Variants in LUC7L3 observed in about 807,000 individuals in gnomAD.
The protein encoded by LUC7L3 is LUC7 like 3 pre-mRNA splicing factor, also known as luc7-like protein 3.
In LUC7L3, 6 loss-of-function variants were observed where a neutral mutation model predicts 66.8. That is an observed-to-expected ratio of 0.09 (90% CI 0.05 to 0.18). The LOEUF (loss-of-function observed/expected upper bound fraction) is 0.18, where lower values mean the gene tolerates loss of function less well. Ranked by LOEUF, LUC7L3 falls within the 10% of genes least tolerant of loss-of-function variation. LUC7L3 has a pLI of 1.00. For missense variants in LUC7L3, 341 were observed against 531.1 expected (o/e 0.64, Z 3.52); for synonymous variants, 160 against 174.7 (o/e 0.92, Z 0.66).
chr17:50,751,891 C>T lies in LUC7L3; in HGVS notation c.*1230C>T. 1 of 1,016,424 alleles carries T rather than the reference C, an allele frequency of 9.8e-7. No homozygotes were observed. Among genetic ancestry groups the T allele is most frequent in the Non-Finnish European group, 1.2e-6 (1 of 848,556 alleles). The allele number at this position is 1,016,424 out of a possible 1,614,324, so 63.0% of individuals were successfully genotyped here. A position where few individuals can be genotyped will look rare whatever the true frequency, so the allele number is the denominator to read the frequency against. On this transcript the variant is annotated 3_prime_UTR_variant, in exon 10 of 10. Transcript: ENST00000505658. The stretch of plus-strand genomic sequence containing the variant: ...GTTCTTAAAACCTGTAAACTTCATT[C>T]TGTGGGCTAGTGGTGTGGGACAAAA...
intron 5 of LUC7L3, among the ~76,000 whole-genome samples, chr17:50,743,191 G>A (rs187300296): frequency 1.1e-5 from 1 of 94,584 alleles, no homozygotes; most frequent in African/African-American, 4.4e-5. Flanking sequence ...ATAGTGAGAC[G>A]CTGTCTTTCC....
chr17:50,731,949 TC>T (rs1261534063), intron 1 of LUC7L3, among the ~76,000 whole-genome samples: 1 of 152,092 alleles, frequency 6.6e-6, no homozygotes, highest in Non-Finnish European at 1.5e-5. Flanking sequence ...GGCTGACAAA[TC>T]CAGTGTCTTG....
chr17:50,751,263 G>T lies in LUC7L3; in HGVS notation c.*602G>T. On this transcript the variant is annotated 3_prime_UTR_variant, in exon 10 of 10. Coordinates refer to ENST00000505658, the MANE Select transcript of LUC7L3 (RefSeq NM_016424.5). The stretch of plus-strand genomic sequence containing the variant: ...GGATTGATGGAAGTGTAGGGTTTAT[G>T]AATTATTGCAGCTGACTACCATACC... 1 of 1,353,860 alleles carries T rather than the reference G, an allele frequency of 7.4e-7. No homozygotes were observed. Among genetic ancestry groups the T allele is most frequent in the Non-Finnish European group, 9.7e-7 (1 of 1,031,382 alleles). 83.9% of individuals were successfully genotyped at this position (1,353,860 alleles called of 1,614,324 possible).
Position 50,752,084 on chromosome 17 carries a change from A to G in LUC7L3, c.*1423A>G, listed in dbSNP as rs1246716971. 5.0e-6 allele frequency: 6 copies of G among 1,200,014 alleles called. No individual in the cohort carries two copies. The East Asian group carries it at 1.9e-4, about 39-fold the overall frequency. The allele number at this position is 1,200,014 out of a possible 1,614,324, so 74.3% of individuals were successfully genotyped here. The stretch of plus-strand genomic sequence containing the variant: ...TGCCTTGATAATTAAAAAGAATACA[A>G]GCATTCCATGTACACATGTTAATTA... On this transcript the variant is annotated 3_prime_UTR_variant, in exon 10 of 10. Coordinates refer to ENST00000505658, the MANE Select transcript of LUC7L3 (RefSeq NM_016424.5).
chr17:50,743,909 A>G (rs1970505948), intron 6 of LUC7L3, 99 bp downstream of exon 6: 1 of 860,868 alleles, frequency 1.2e-6, no homozygotes, highest in East Asian at 2.6e-5. Context: ...TTCCAAACTT[A>G]GAGTCAGCAC....
At chr17:50,736,666 C>T (rs1256174874) in intron 1 of LUC7L3, 2 of 296,978 alleles carry the variant, frequency 6.7e-6, no homozygotes. Flanking sequence ...AAAAATTGCC[C>T]TTTATTTTGG....
chr17:50,752,729 A>G lies in LUC7L3; in HGVS notation c.*2068A>G, dbSNP rs1971032587. 6.6e-6 allele frequency: 1 copy of G among 152,324 alleles called. No homozygotes were observed. The highest frequency in any genetic ancestry group is 1.5e-5 in the Non-Finnish European group (1 of 68,130). The allele number at this position is 152,324 out of a possible 1,614,324, so 9.4% of individuals were successfully genotyped here. A position where few individuals can be genotyped will look rare whatever the true frequency, so the allele number is the denominator to read the frequency against. On this transcript the variant is annotated 3_prime_UTR_variant, in exon 10 of 10. Coordinates refer to ENST00000505658, the MANE Select transcript of LUC7L3 (RefSeq NM_016424.5). ...ACTCTGAACTAGTCCCCTGTTTTAA[A>G]TACAAGAGTTACACTATTACTAGAG...
rs1448881238 is a variant in LUC7L3 at position 50,751,422 on chromosome 17, G to T, written c.*761G>T. On this transcript the variant is annotated 3_prime_UTR_variant, in exon 10 of 10. Transcript: ENST00000505658. ...TCCATGTTTGAATGCTATTGCCTGTGATCTTTACGCTTAACTGTTGTGTAT... is the reference window on the plus strand; with the variant it reads ...TCCATGTTTGAATGCTATTGCCTGTTATCTTTACGCTTAACTGTTGTGTAT... The T allele has an allele frequency of 1.1e-5, 14 of 1,287,664 alleles. No individual in the cohort carries two copies. The highest frequency in any genetic ancestry group is 1.4e-5 in the Non-Finnish European group (14 of 987,594). 79.8% of individuals were successfully genotyped at this position (1,287,664 alleles called of 1,614,324 possible).
chr17:50,732,480 C>A (rs1274699290), intron 1 of LUC7L3, among the ~76,000 whole-genome samples: 1 of 152,164 alleles, frequency 6.6e-6, no homozygotes, highest in African/African-American at 2.4e-5. Flanking sequence ...CTCCTGGGCT[C>A]CAACGACCCT....
Position 50,745,747 on chromosome 17 carries a change from C to G in LUC7L3, c.721C>G (p.Pro241Ala). 1 of 1,585,664 alleles carries G rather than the reference C, an allele frequency of 6.3e-7. No individual in the cohort carries two copies. The highest frequency in any genetic ancestry group is 8.5e-7 in the Non-Finnish European group (1 of 1,173,134). The change falls in exon 8 of 10, where the codon CCT (proline) becomes GCT (alanine). Residue 241 changes from proline (P) to alanine (A), a missense_variant. Around this residue, in one of 6 missense-constraint regions of LUC7L3, gnomAD observed 210 missense variants for 238.1 expected, o/e 0.88. Transcript: ENST00000505658. Reference sequence around the variant, plus strand: ...AAAGTTAAGGAAAAGAACCGAAGAACCTGATCGTGATGAGCGTCTAAAAAA... The same window carrying G: ...AAAGTTAAGGAAAAGAACCGAAGAAGCTGATCGTGATGAGCGTCTAAAAAA... ...KEKLRKRTEE[P>A]DRDERLKKEK...
intron 1 of LUC7L3, among the ~76,000 whole-genome samples, chr17:50,732,230 G>C (rs1969653585): frequency 6.6e-6 from 1 of 152,194 alleles, no homozygotes; most frequent in South Asian, 2.1e-4. Flanking sequence ...AGAAATCTTA[G>C]GGGCATTCCT....
rs769778455 is a variant in LUC7L3, at chr17:50,736,939, A to G, written c.100-21A>G. 12 of 1,552,012 alleles carry G rather than the reference A, an allele frequency of 7.7e-6. No individual in the cohort carries two copies. In the East Asian group the frequency reaches 2.7e-4, roughly 35 times the overall value. The stretch of plus-strand genomic sequence containing the variant: ...TTTAAAACCAAGCAATTTTTTAAGT[A>G]CCTTTGTTTTTCTTTACTAGGTTTG... On this transcript the variant is annotated intron_variant, in intron 1 of 9. Coordinates refer to ENST00000505658, the MANE Select transcript of LUC7L3 (RefSeq NM_016424.5).
intron 1 of LUC7L3, among the ~76,000 whole-genome samples, chr17:50,733,430 C>A (rs1969764632): frequency 8.2e-6 from 1 of 121,408 alleles, no homozygotes; most frequent in South Asian, 2.9e-4. Context: ...GAGACAGAGT[C>A]TCCCTCTGTC....
intron 1 of LUC7L3, chr17:50,724,084 C>T: frequency 2.8e-6 from 1 of 360,496 alleles, no homozygotes. Flanking sequence ...AAATTGAACT[C>T]CCCATGTACC....
intron 1 of LUC7L3, among the ~76,000 whole-genome samples, chr17:50,733,248 G>GT (rs57619229): frequency 0.17 from 24,580 of 144,310 alleles, 2,156 homozygotes; most frequent in Middle Eastern, 0.22. Context: ...GTAAAACTTT[G>GT]TTTTTTTTTT....
chr17:50,741,005 TA>T, intron 3 of LUC7L3, 96 bp from the exon 4 acceptor site: 2 of 1,209,816 alleles, frequency 1.7e-6, no homozygotes, highest in Non-Finnish European at 2.4e-6. Flanking sequence ...CCCTGCAGCC[TA>T]AATGGAATAG....
chr17:50,745,810 G>A lies in LUC7L3; in HGVS notation c.784G>A (p.Glu262Lys). 6.3e-7 allele frequency: 1 copy of A among 1,590,282 alleles called. No individual in the cohort carries two copies. Among genetic ancestry groups the A allele is most frequent in the South Asian group, 1.1e-5 (1 of 88,996 alleles). The change falls in exon 8 of 10, where the codon GAG (glutamate) becomes AAG (lysine). Residue 262 changes from glutamate to lysine, a missense_variant. Coordinates refer to ENST00000505658, the MANE Select transcript of LUC7L3 (RefSeq NM_016424.5). ...QEREEREKER[E>K]REREERERKR... ...AAGAGAAGAAAGAGAAAAAGAACGGGAGAGAGAAAGGGAAGAAAGAGAAAG... is the reference window on the plus strand; with the variant it reads ...AAGAGAAGAAAGAGAAAAAGAACGGAAGAGAGAAAGGGAAGAAAGAGAAAG...
At chr17:50,749,154 G>C in intron 9 of LUC7L3, 2 of 1,215,606 alleles carry the variant, frequency 1.6e-6, no homozygotes, top group South Asian at 1.3e-5. Context: ...TTCATCCATA[G>C]CCCTAAAATC....
chr17:50,732,960 A>G (rs1376733298), intron 1 of LUC7L3, among the ~76,000 whole-genome samples: 1 of 152,128 alleles, frequency 6.6e-6, no homozygotes, highest in Non-Finnish European at 1.5e-5. Flanking sequence ...GCAGTGTACC[A>G]ATTTCACATG....
Sources: gnomAD v4.1 joint callset for allele counts (sites outside exome capture counted in the v4.1 genomes callset) on GRCh38, gnomAD v4.1.1 for gene constraint, gnomAD v4.1.1 regional missense constraint, MANE v1.5 for transcripts, NCBI Gene and HGNC (gene_info 2026-07-23, HGNC 2026-07-21) for gene names.